The following ANKS4B variants were observed in gnomAD, a reference collection of about 807,000 sequenced individuals.
ANKS4B encodes the protein ankyrin repeat and SAM domain-containing protein 4B.
A neutral mutation model predicts 20.2 loss-of-function variants in ANKS4B; 21 were observed. That is an observed-to-expected ratio of 1.04 (90% confidence interval 0.74 to 1.50). The LOEUF is 1.50. Among genes scored for constraint, ANKS4B ranks in the 40% most tolerant of loss-of-function variants. The pLI is 0.00. For synonymous variants in ANKS4B, 179 were observed against 194.5 expected (o/e 0.92, Z 0.66); for missense variants, 473 against 494.6 (o/e 0.96, Z 0.41).
chr16:21,234,318 T>A (rs2093317524), intron 1 of ANKS4B, among the ~76,000 whole-genome samples: 1 of 152,184 alleles, frequency 6.6e-6, no homozygotes, highest in African/African-American at 2.4e-5. Flanking sequence ...ATCTATGCCA[T>A]CAAAATCTCA....
chr16:21,248,671 A>T (rs1401700724), intron 1 of ANKS4B, among the ~76,000 whole-genome samples: 1 of 152,066 alleles, frequency 6.6e-6, no homozygotes, highest in Non-Finnish European at 1.5e-5. Context: ...TGGAGGTTGC[A>T]GTCAAGCCGA....
rs755940002 is a variant in ANKS4B at position 21,233,745 on chromosome 16, C to T, written c.8C>T (p.Thr3Ile). 1.2e-6 allele frequency: 2 copies of T among 1,613,492 alleles called. No individual in the cohort carries two copies. The highest frequency in any genetic ancestry group is 1.1e-5 in the South Asian group (1 of 90,818). ...TTCTGGTGAGCAGGAAAAATGTCTA[C>T]TCGTTACCACCAAGCTGCTAGTGAT... MSTRYHQAASDSY... is the reference protein window; with the variant it reads MSIRYHQAASDSY... Residue 3 changes from threonine to isoleucine, a missense_variant, in exon 1 of 2, where the codon ACT (threonine) becomes ATT (isoleucine). Coordinates refer to ENST00000311620, the MANE Select transcript of ANKS4B (RefSeq NM_145865.3).
At chr16:21,236,842 T>G (rs2093320810) in intron 1 of ANKS4B, among the ~76,000 whole-genome samples, 1 of 152,232 alleles carries the variant, frequency 6.6e-6, no homozygotes, top group African/African-American at 2.4e-5. Context: ...TAGTTCTCTC[T>G]ATATATACTA....
chr16:21,238,756 A>T (rs926299265), intron 1 of ANKS4B: 1 of 152,206 alleles, frequency 6.6e-6, no homozygotes, highest in Non-Finnish European at 1.5e-5. Context: ...ATAAATATCC[A>T]GTCCCCCCAA....
intron 1 of ANKS4B, among the ~76,000 whole-genome samples, chr16:21,242,904 C>T (rs929568104): frequency 2.0e-5 from 3 of 152,122 alleles, no homozygotes; most frequent in African/African-American, 7.2e-5. Flanking sequence ...GTGTATTGTG[C>T]CAGGAAATTT....
chr16:21,238,508 TATCA>T (rs1227834552), intron 1 of ANKS4B, among the ~76,000 whole-genome samples: 3 of 152,220 alleles, frequency 2.0e-5, no homozygotes, highest in East Asian at 3.9e-4. Context: ...CGTATAAGTC[TATCA>T]ATCTTTGTTG....
Position 21,250,936 on chromosome 16 carries a change from A to G in ANKS4B, c.*116A>G. 1 of 1,419,898 alleles carries G rather than the reference A, an allele frequency of 7.0e-7. No homozygotes were observed. Among genetic ancestry groups the G allele is most frequent in the Non-Finnish European group, 9.4e-7 (1 of 1,059,536 alleles). 88.0% of individuals were successfully genotyped at this position (1,419,898 alleles called of 1,614,324 possible). ...CTGGGAATGGATTCTAGGGCATCGG[A>G]AATGCCTACCTGAGAGAGAGACCCA... On this transcript the variant is annotated 3_prime_UTR_variant, in exon 2 of 2. Transcript: ENST00000311620.
At chr16:21,237,830 A>G (rs973199738) in intron 1 of ANKS4B, among the ~76,000 whole-genome samples, 3 of 152,238 alleles carry the variant, frequency 2.0e-5, no homozygotes, top group Non-Finnish European at 4.4e-5. Flanking sequence ...TGTCCTTCAG[A>G]AAGTGAGTAC....
chr16:21,244,991 A>G (rs556882248), intron 1 of ANKS4B, among the ~76,000 whole-genome samples: 5 of 152,160 alleles, frequency 3.3e-5, no homozygotes, highest in Non-Finnish European at 7.3e-5. Context: ...AATATCAGCC[A>G]TCTGTGCCTC....
chr16:21,233,986 C>A (rs2093317016), intron 1 of ANKS4B, 85 bp downstream of exon 1: 2 of 1,275,514 alleles, frequency 1.6e-6, no homozygotes, highest in South Asian at 3.0e-5. Flanking sequence ...GACGTCAATA[C>A]AAATACTTTA....
At chr16:21,233,981 C>T in intron 1 of ANKS4B, 80 bp downstream of exon 1, 1 of 1,315,638 alleles carries the variant, frequency 7.6e-7, no homozygotes, top group Non-Finnish European at 1.1e-6. Context: ...GCAGGGACGT[C>T]AATACAAATA....
intron 1 of ANKS4B, among the ~76,000 whole-genome samples, chr16:21,240,125 T>A (rs758374189): frequency 1.6e-4 from 24 of 152,162 alleles, no homozygotes; most frequent in Non-Finnish European, 3.2e-4. Context: ...TAGAAAACTA[T>A]TTTCCTTTGT....
intron 1 of ANKS4B, among the ~76,000 whole-genome samples, chr16:21,239,703 A>G (rs947087183): frequency 6.6e-6 from 1 of 152,248 alleles, no homozygotes; most frequent in African/African-American, 2.4e-5. Flanking sequence ...AATGTGGTAC[A>G]TATACAGCAT....
chr16:21,241,956 G>T (rs1383134792), intron 1 of ANKS4B, among the ~76,000 whole-genome samples: 1 of 152,106 alleles, frequency 6.6e-6, no homozygotes, highest in Non-Finnish European at 1.5e-5. Flanking sequence ...CCAGCTCTTT[G>T]GGAGGTTGAG....
intron 1 of ANKS4B, among the ~76,000 whole-genome samples, chr16:21,236,222 A>C (rs578040070): frequency 6.6e-6 from 1 of 152,278 alleles, no homozygotes; most frequent in East Asian, 1.9e-4. Context: ...GCTAGAAACC[A>C]GATCTAATGA....
intron 1 of ANKS4B, among the ~76,000 whole-genome samples, chr16:21,242,365 T>G (rs1210360775): frequency 6.6e-6 from 1 of 152,210 alleles, no homozygotes; most frequent in African/African-American, 2.4e-5. Context: ...TTTTTGTATT[T>G]TCAGTAGAGA....
At chr16:21,249,623 G>A in intron 1 of ANKS4B, 108 bp from the exon 2 acceptor site, 1 of 1,247,126 alleles carries the variant, frequency 8.0e-7, no homozygotes, top group East Asian at 2.4e-5. Flanking sequence ...GGATGAACAT[G>A]TTTGTATTAA....
At chr16:21,244,255 G>A (rs1285904534) in intron 1 of ANKS4B, among the ~76,000 whole-genome samples, 2 of 151,968 alleles carry the variant, frequency 1.3e-5, no homozygotes, top group Non-Finnish European at 2.9e-5. Flanking sequence ...ACACACCGGG[G>A]CCTGTTGGGG....
Position 21,249,951 on chromosome 16 carries a change from C to G in ANKS4B, c.385C>G (p.Pro129Ala). Reference protein sequence around the residue: ...KAATAQNIMNPKKVTRLKEQA... With the variant: ...KAATAQNIMNAKKVTRLKEQA... ...TGCCACTGCACAGAACATCATGAAC[C>G]CCAAGAAGGTCACCAGGCTGAAGGA... Residue 129 changes from proline (P) to alanine (A), a missense_variant, in exon 2 of 2, where the codon CCC (proline) becomes GCC (alanine). Coordinates refer to ENST00000311620, the MANE Select transcript of ANKS4B (RefSeq NM_145865.3). 1.2e-6 allele frequency: 2 copies of G among 1,614,168 alleles called. No homozygotes were observed. Among genetic ancestry groups the G allele is most frequent in the Non-Finnish European group, 1.7e-6 (2 of 1,180,028 alleles).
Sources: gnomAD v4.1 joint callset for allele counts (sites outside exome capture counted in the v4.1 genomes callset) on GRCh38, gnomAD v4.1.1 for gene constraint, MANE v1.5 for transcripts, NCBI Gene and HGNC (gene_info 2026-07-23, HGNC 2026-07-21) for gene names.